Variants in ROBO1 observed in about 807,000 individuals in gnomAD.
ROBO1 encodes the protein roundabout guidance receptor 1, also known as roundabout homolog 1.
A neutral mutation model predicts 195.9 loss-of-function variants in ROBO1; 149 were observed. The ratio of observed to expected loss-of-function variants is 0.76; its 90% CI spans 0.67 to 0.87. The LOEUF is 0.87. Ranked by LOEUF, ROBO1 falls within the 40% of genes least tolerant of loss-of-function variation. The probability of loss-of-function intolerance (pLI) is 0.00; values close to 1 mark genes in which losing one functional copy is unlikely to be tolerated. For missense variants in ROBO1, 1,933 were observed against 2,068.3 expected, an observed-to-expected ratio of 0.93 and a Z score of 1.27; for synonymous variants, 816 against 733.2, an observed-to-expected ratio of 1.11 and a Z score of -1.82.
At chr3:79,300,424 C>T (rs990953878) in intron 2 of ROBO1, among the ~76,000 whole-genome samples, 2 of 152,208 alleles carry the variant, frequency 1.3e-5, no homozygotes, top group South Asian at 2.1e-4. Context: ...GCGCTGCGCT[C>T]GATTTCTCAC....
At chr3:79,041,612 G>A (rs1343987047) in intron 3 of ROBO1, among the ~76,000 whole-genome samples, 2 of 152,262 alleles carry the variant, frequency 1.3e-5, no homozygotes, top group Non-Finnish European at 2.9e-5. Context: ...AGTAAAAACT[G>A]TAATTAAGCT....
intron 4 of ROBO1, among the ~76,000 whole-genome samples, chr3:78,869,705 T>A (rs1327220255): frequency 2.0e-5 from 3 of 152,128 alleles, no homozygotes; most frequent in African/African-American, 7.2e-5. Flanking sequence ...GTGATACTCC[T>A]GCCTCAGCCT....
At chr3:79,296,848 T>A (rs1438835225) in intron 2 of ROBO1, among the ~76,000 whole-genome samples, 1 of 152,154 alleles carries the variant, frequency 6.6e-6, no homozygotes, top group African/African-American at 2.4e-5. Context: ...TTCCCCATCT[T>A]TTGTAGATAC....
At chr3:79,037,804 G>A (rs1476196612) in intron 3 of ROBO1, among the ~76,000 whole-genome samples, 2 of 152,128 alleles carry the variant, frequency 1.3e-5, no homozygotes, top group Admixed American at 6.5e-5. Context: ...TTCTAATTTA[G>A]CTTTCAGTTG....
intron 1 of ROBO1, among the ~76,000 whole-genome samples, chr3:79,752,858 A>T (rs892019368): frequency 4.6e-5 from 7 of 152,198 alleles, no homozygotes; most frequent in African/African-American, 1.7e-4. Flanking sequence ...AATTTTAAAA[A>T]TGAGGGATCA....
At chr3:78,612,980 A>G (rs1359895236) in intron 28 of ROBO1, among the ~76,000 whole-genome samples, 3 of 152,204 alleles carry the variant, frequency 2.0e-5, no homozygotes, top group Admixed American at 2.0e-4. Flanking sequence ...ATTCAATTTA[A>G]TAGTTATTAT....
At chr3:79,766,218 A>G (rs2107540130) in intron 1 of ROBO1, among the ~76,000 whole-genome samples, 1 of 152,134 alleles carries the variant, frequency 6.6e-6, no homozygotes, top group Non-Finnish European at 1.5e-5. Context: ...AAAAGAGCCC[A>G]GAAAAGCCTG....
chr3:79,767,957 A>G lies in ROBO1; in HGVS notation c.-256T>C, dbSNP rs538477704. 3.9e-5 allele frequency: 6 copies of G among 152,328 alleles called. No homozygotes were observed. Among genetic ancestry groups the G allele is most frequent in the African/African-American group, 1.4e-4 (6 of 41,568 alleles). The allele number at this position is 152,328 out of a possible 1,614,324, so 9.4% of individuals were successfully genotyped here. ...TGGAAAAATTCAATCCTTCTTCAGTAGAGAATTCTTTCAAACCCGTTATCT... is the reference window on the plus strand; with the variant it reads ...TGGAAAAATTCAATCCTTCTTCAGTGGAGAATTCTTTCAAACCCGTTATCT... On this transcript the variant is annotated 5_prime_UTR_variant, in exon 1 of 31. Transcript: ENST00000464233.
rs541286306 is a variant in ROBO1, at chr3:79,690,071, T to C, written c.-51+77681A>G. 5.9e-5 allele frequency among the ~76,000 whole-genome samples: 9 copies of C among 152,172 alleles called. No individual in the cohort carries two copies. The East Asian group carries it at 1.7e-3, about 30-fold the overall frequency. ...TATTTGTATCCTGGCACAGTTGTGATACTGTCTTTCTTTTCCTATCATTTC... is the reference window on the plus strand; with the variant it reads ...TATTTGTATCCTGGCACAGTTGTGACACTGTCTTTCTTTTCCTATCATTTC... On this transcript the variant is annotated intron_variant, in intron 1 of 30. Coordinates refer to ENST00000464233, the MANE Select transcript of ROBO1 (RefSeq NM_002941.4).
At chr3:79,116,276 TTTC>T (rs1576692799) in intron 3 of ROBO1, among the ~76,000 whole-genome samples, 2 of 151,936 alleles carry the variant, frequency 1.3e-5, no homozygotes, top group East Asian at 1.9e-4. Flanking sequence ...CCTTCCTTCC[TTTC>T]TTTTCTTTCT....
At chr3:78,824,418 C>A (rs998502131) in intron 4 of ROBO1, among the ~76,000 whole-genome samples, 3 of 152,082 alleles carry the variant, frequency 2.0e-5, no homozygotes, top group African/African-American at 7.2e-5. Context: ...AGAAAAGATT[C>A]ATTGTTTGTG....
At chr3:78,673,478 A>T (rs1166448932) in intron 10 of ROBO1, among the ~76,000 whole-genome samples, 1 of 142,810 alleles carries the variant, frequency 7.0e-6, no homozygotes, top group African/African-American at 2.5e-5. Context: ...ATAAAAATAT[A>T]TATATAATAT....
intron 2 of ROBO1, among the ~76,000 whole-genome samples, chr3:79,490,143 G>A (rs532672133): frequency 6.6e-6 from 1 of 152,074 alleles, no homozygotes; most frequent in East Asian, 1.9e-4. Flanking sequence ...TATAATTTCC[G>A]TGGTTATATT....
intron 1 of ROBO1, among the ~76,000 whole-genome samples, chr3:79,740,582 C>A (rs937564565): frequency 1.3e-5 from 2 of 151,990 alleles, no homozygotes; most frequent in East Asian, 3.9e-4. Context: ...TGCCGAGTGC[C>A]GAGCAAAGCA....
chr3:79,487,589 A>G (rs538422293), intron 2 of ROBO1, among the ~76,000 whole-genome samples: 1 of 152,288 alleles, frequency 6.6e-6, no homozygotes, highest in East Asian at 1.9e-4. Context: ...GGTATAGCTA[A>G]GGTTTGAATT....
intron 2 of ROBO1, among the ~76,000 whole-genome samples, chr3:79,328,260 C>T (rs928553488): frequency 1.3e-5 from 2 of 152,104 alleles, no homozygotes; most frequent in Admixed American, 6.5e-5. Context: ...GCTGTATTAA[C>T]GCACATAAAC....
intron 2 of ROBO1, among the ~76,000 whole-genome samples, chr3:79,321,357 A>G (rs537875744): frequency 5.9e-5 from 9 of 152,298 alleles, no homozygotes; most frequent in African/African-American, 2.2e-4. Context: ...TTCATTGGAC[A>G]CTTTGTAGCA....
chr3:78,734,455 C>G (rs144609553), intron 5 of ROBO1, among the ~76,000 whole-genome samples: 1 of 151,282 alleles, frequency 6.6e-6, no homozygotes, highest in Non-Finnish European at 1.5e-5. Flanking sequence ...CAGCTACTCA[C>G]ATGGCTGAAG....
At chr3:79,490,657 C>T (rs1044883189) in intron 2 of ROBO1, among the ~76,000 whole-genome samples, 4 of 152,192 alleles carry the variant, frequency 2.6e-5, no homozygotes, top group Non-Finnish European at 4.4e-5. Flanking sequence ...TGGCAGGCCT[C>T]CCAGGAGAAA....
Sources: allele counts gnomAD v4.1 joint callset (sites outside exome capture counted in the v4.1 genomes callset), GRCh38; gene constraint gnomAD v4.1.1; transcripts MANE v1.5; gene names NCBI Gene and HGNC (gene_info 2026-07-23, HGNC 2026-07-21).